The following UNC13C variants were observed in gnomAD, a reference collection of about 807,000 sequenced individuals.
UNC13C encodes protein unc-13 homolog C.
A neutral mutation model predicts 245.4 loss-of-function variants in UNC13C; 174 were observed. That is an observed-to-expected ratio of 0.71 (90% CI 0.63 to 0.80). The LOEUF is 0.80. Among genes scored for constraint, UNC13C ranks in the 30% least tolerant of loss-of-function variants. The probability of loss-of-function intolerance (pLI) is 0.00; values close to 1 mark genes in which losing one functional copy is unlikely to be tolerated. For synonymous variants in UNC13C, 992 were observed against 895.1 expected (o/e 1.11, Z -1.93); for missense variants, 2,829 against 2,602.9 (o/e 1.09, Z -1.89).
At chr15:54,318,943 G>C (rs796764776) in intron 13 of UNC13C, among the ~76,000 whole-genome samples, 27 of 151,932 alleles carry the variant, frequency 1.8e-4, no homozygotes, top group African/African-American at 6.0e-4. Context: ...CCACTAAGCT[G>C]CTGTTGCTTC....
chr15:54,412,241 A>G (rs2140946459), intron 18 of UNC13C, among the ~76,000 whole-genome samples: 1 of 152,182 alleles, frequency 6.6e-6, no homozygotes, highest in Admixed American at 6.5e-5. Context: ...AGACTGAGTA[A>G]TTTATAAAGG....
chr15:54,587,300 C>G (rs554063893), intron 30 of UNC13C, among the ~76,000 whole-genome samples: 1 of 152,158 alleles, frequency 6.6e-6, no homozygotes, highest in Non-Finnish European at 1.5e-5. Context: ...TCTCCTCCTA[C>G]CAGGACAGTT....
At chr15:54,043,796 G>T (rs1007210491) in intron 2 of UNC13C, among the ~76,000 whole-genome samples, 13 of 152,036 alleles carry the variant, frequency 8.6e-5, no homozygotes, top group Non-Finnish European at 1.0e-4. Context: ...ATACTCTTGG[G>T]TCCTGGTTTG....
the UNC13C span, among the ~76,000 whole-genome samples, chr15:53,876,624 G>T: frequency 6.6e-6 from 1 of 151,838 alleles, no homozygotes; most frequent in Non-Finnish European, 1.5e-5. Flanking sequence ...GCTTTTTTTT[G>T]GTTTCAAATG....
intron 19 of UNC13C, among the ~76,000 whole-genome samples, chr15:54,473,425 C>G (rs571505570): frequency 6.6e-6 from 1 of 152,018 alleles, no homozygotes; most frequent in African/African-American, 2.4e-5. Flanking sequence ...GTTACCCCCG[C>G]TGTGCTGGCA....
the UNC13C span, among the ~76,000 whole-genome samples, chr15:53,839,537 T>C: frequency 1.3e-5 from 2 of 152,148 alleles, no homozygotes; most frequent in African/African-American, 4.8e-5. Context: ...TTTCATCATT[T>C]TCTTTTCAAC....
intron 4 of UNC13C, among the ~76,000 whole-genome samples, chr15:54,196,933 C>T (rs140499315): frequency 5.0e-4 from 76 of 152,164 alleles, no homozygotes; most frequent in African/African-American, 1.6e-3. Flanking sequence ...ATTATATCAT[C>T]ACCTCTGCTC....
At chr15:54,002,851 G>A (rs1894959478) in intron 1 of UNC13C, among the ~76,000 whole-genome samples, 1 of 152,194 alleles carries the variant, frequency 6.6e-6, no homozygotes, top group African/African-American at 2.4e-5. Flanking sequence ...GGCACAGTGG[G>A]AAGGTGCCAA....
intron 4 of UNC13C, among the ~76,000 whole-genome samples, chr15:54,230,742 T>A (rs1345894617): frequency 6.6e-6 from 1 of 151,820 alleles, no homozygotes; most frequent in African/African-American, 2.4e-5. Flanking sequence ...TGGCTAAGAG[T>A]GTATATTTTA....
At chr15:53,945,541 A>G in the UNC13C span, among the ~76,000 whole-genome samples, 2 of 152,174 alleles carry the variant, frequency 1.3e-5, no homozygotes, top group Non-Finnish European at 2.9e-5. Context: ...TTTGTAAAAA[A>G]TCAGATTGTT....
chr15:54,428,090 C>A (rs2040795528), intron 19 of UNC13C, among the ~76,000 whole-genome samples: 1 of 151,790 alleles, frequency 6.6e-6, no homozygotes, highest in South Asian at 2.1e-4. Flanking sequence ...TGAAAATAAA[C>A]TGAAGGGTTT....
At chr15:54,255,205 C>T (rs1025046149) in intron 8 of UNC13C, among the ~76,000 whole-genome samples, 15 of 152,162 alleles carry the variant, frequency 9.9e-5, no homozygotes, top group African/African-American at 2.7e-4. Context: ...AATTAGACCC[C>T]TCCCTTATCG....
At chr15:54,184,353 G>C (rs2033900582) in intron 4 of UNC13C, among the ~76,000 whole-genome samples, 1 of 151,958 alleles carries the variant, frequency 6.6e-6, no homozygotes, top group South Asian at 2.1e-4. Context: ...TGCCATGTTG[G>C]TGTGCTGCAC....
At chr15:53,940,909 A>G in the UNC13C span, among the ~76,000 whole-genome samples, 1 of 152,236 alleles carries the variant, frequency 6.6e-6, no homozygotes, top group Non-Finnish European at 1.5e-5. Flanking sequence ...TATCAATGCT[A>G]TTCCTATTAA....
intron 30 of UNC13C, among the ~76,000 whole-genome samples, chr15:54,593,532 C>A (rs184820014): frequency 6.6e-6 from 1 of 152,076 alleles, no homozygotes; most frequent in East Asian, 1.9e-4. Flanking sequence ...TTTTCTTATT[C>A]TTTTTGTCTT....
Position 54,275,457 on chromosome 15 carries a change from T to TG in UNC13C, c.3818+9962dup, listed in dbSNP as rs2036807420. On this transcript the variant is annotated intron_variant, in intron 10 of 32. Transcript: ENST00000260323. ...TTTTTCTGCCCTTTTTTGAACCACT[T>TG]GAATATTTTTTATAATTGTATATGA... Among the ~76,000 whole-genome samples the TG allele has an allele frequency of 2.0e-5, 3 of 152,258 alleles. No homozygotes were observed. In the East Asian group the frequency reaches 5.8e-4, roughly 29 times the overall value.
chr15:54,369,688 G>A (rs1375259746), intron 17 of UNC13C, among the ~76,000 whole-genome samples: 4 of 151,996 alleles, frequency 2.6e-5, no homozygotes, highest in African/African-American at 9.7e-5. Context: ...TCATCACAGT[G>A]TCACTGACAT....
chr15:54,285,337 C>T (rs763128774), intron 10 of UNC13C, among the ~76,000 whole-genome samples: 32 of 151,954 alleles, frequency 2.1e-4, no homozygotes, highest in Non-Finnish European at 4.4e-4. Flanking sequence ...TGCATCAACA[C>T]TGGGTTTTGA....
At chr15:54,006,493 C>CA (rs947214543) in intron 1 of UNC13C, among the ~76,000 whole-genome samples, 2 of 152,110 alleles carry the variant, frequency 1.3e-5, no homozygotes, top group Admixed American at 1.3e-4. Flanking sequence ...TAAAGTAAGG[C>CA]AAAAAACTAA....
Sources: gnomAD v4.1 joint callset for allele counts (sites outside exome capture counted in the v4.1 genomes callset) on GRCh38, gnomAD v4.1.1 for gene constraint, MANE v1.5 for transcripts, NCBI Gene and HGNC (gene_info 2026-07-23, HGNC 2026-07-21) for gene names.